The following XRCC4 variants were observed in gnomAD, a reference collection of about 807,000 sequenced individuals.
XRCC4 encodes the protein X-ray repair cross complementing 4.
A neutral mutation model predicts 39.1 loss-of-function variants in XRCC4; 28 were observed. That is an observed-to-expected ratio of 0.72 (90% CI 0.53 to 0.98). The LOEUF (loss-of-function observed/expected upper bound fraction) is 0.98, where lower values mean the gene tolerates loss of function less well. XRCC4 is among the 50% of genes least tolerant of loss of function. The probability of loss-of-function intolerance (pLI) is 0.00; values close to 1 mark genes in which losing one functional copy is unlikely to be tolerated. For missense variants in XRCC4, 350 were observed against 376.4 expected, an observed-to-expected ratio of 0.93 and a Z score of 0.58; for synonymous variants, 123 against 126.4, an observed-to-expected ratio of 0.97 and a Z score of 0.18.
At chr5:83,352,141 T>A (rs940716951) in intron 7 of XRCC4, among the ~76,000 whole-genome samples, 6 of 152,156 alleles carry the variant, frequency 3.9e-5, no homozygotes, top group Admixed American at 3.3e-4. Flanking sequence ...ATAGCTAACA[T>A]GAAATAGACC....
At chr5:83,254,257 TTTGAAAAC>T (rs1753441927) in intron 6 of XRCC4, among the ~76,000 whole-genome samples, 1 of 152,254 alleles carries the variant, frequency 6.6e-6, no homozygotes, top group South Asian at 2.1e-4. Flanking sequence ...TCTGCCTGCA[TTTGAAAAC>T]TTGCAAGCTG....
At chr5:83,215,325 C>T (rs574065826) in intron 6 of XRCC4, among the ~76,000 whole-genome samples, 5 of 151,946 alleles carry the variant, frequency 3.3e-5, no homozygotes, top group Admixed American at 1.3e-4. Context: ...GGTGACAGAG[C>T]GAGACCCTGT....
chr5:83,179,807 G>A (rs1315542171), intron 3 of XRCC4, among the ~76,000 whole-genome samples: 1 of 152,120 alleles, frequency 6.6e-6, no homozygotes, highest in African/African-American at 2.4e-5. Context: ...GGATTATAAG[G>A]TGATGAATTT....
chr5:83,288,296 CT>C (rs1754801639), intron 7 of XRCC4, among the ~76,000 whole-genome samples: 2 of 151,976 alleles, frequency 1.3e-5, no homozygotes, highest in South Asian at 4.1e-4. Context: ...TGATACTGCT[CT>C]TCAGGACAAC....
chr5:83,222,225 A>C (rs1321465890), intron 6 of XRCC4, among the ~76,000 whole-genome samples: 3 of 151,888 alleles, frequency 2.0e-5, no homozygotes, highest in Admixed American at 2.0e-4. Flanking sequence ...TTTGTTCTTT[A>C]TTTTAACTAT....
intron 1 of XRCC4, among the ~76,000 whole-genome samples, chr5:83,104,610 G>A (rs564187717): frequency 8.5e-5 from 13 of 152,160 alleles, no homozygotes; most frequent in African/African-American, 9.6e-5. Flanking sequence ...GAGACACCGC[G>A]CCCAGCTGAG....
chr5:83,281,315 T>G (rs1754528993), intron 7 of XRCC4, among the ~76,000 whole-genome samples: 1 of 152,126 alleles, frequency 6.6e-6, no homozygotes, highest in Admixed American at 6.5e-5. Flanking sequence ...TGTTAATCAG[T>G]GTCAAGTCTT....
downstream of XRCC4, chr5:83,356,804 C>T: frequency 4.5e-6 from 2 of 442,630 alleles, no homozygotes; most frequent in South Asian, 1.6e-5. Flanking sequence ...CTTTTTTGAC[C>T]TTATCATCCT....
chr5:83,170,877 G>A (rs1749692008), intron 3 of XRCC4, among the ~76,000 whole-genome samples: 2 of 152,106 alleles, frequency 1.3e-5, no homozygotes, highest in Admixed American at 6.6e-5. Context: ...AATCTTGAGA[G>A]CCATCTTAGA....
chr5:83,237,454 C>G (rs917225722), intron 6 of XRCC4, among the ~76,000 whole-genome samples: 1 of 151,820 alleles, frequency 6.6e-6, no homozygotes, highest in African/African-American at 2.4e-5. Flanking sequence ...TGAAATAAGC[C>G]AGGCACAGAA....
At chr5:83,153,536 A>G (rs1252191702) in intron 3 of XRCC4, among the ~76,000 whole-genome samples, 1 of 152,236 alleles carries the variant, frequency 6.6e-6, no homozygotes, top group Non-Finnish European at 1.5e-5. Flanking sequence ...AGGATGATAT[A>G]TAGGTGGCAG....
At chr5:83,144,731 A>G (rs1376007580) in intron 3 of XRCC4, among the ~76,000 whole-genome samples, 1 of 151,694 alleles carries the variant, frequency 6.6e-6, no homozygotes, top group African/African-American at 2.4e-5. Flanking sequence ...TGCAGATTGG[A>G]TAATTTATAT....
chr5:83,320,899 C>T (rs1756049328), intron 7 of XRCC4, among the ~76,000 whole-genome samples: 1 of 149,204 alleles, frequency 6.7e-6, no homozygotes, highest in Non-Finnish European at 1.5e-5. Flanking sequence ...GCAACCTCTG[C>T]CTCCCATGTT....
chr5:83,329,463 A>G (rs991745234), intron 7 of XRCC4, among the ~76,000 whole-genome samples: 7 of 152,150 alleles, frequency 4.6e-5, no homozygotes, highest in Middle Eastern at 6.8e-3. Context: ...AGACTTAATC[A>G]GACAATCCCA....
intron 1 of XRCC4, among the ~76,000 whole-genome samples, chr5:83,084,852 G>T (rs768687465): frequency 3.3e-5 from 5 of 151,920 alleles, no homozygotes; most frequent in Non-Finnish European, 1.5e-5. Context: ...CATTATTGTC[G>T]CAGCCTATAA....
At chr5:83,158,174 A>C (rs1332796795) in intron 3 of XRCC4, among the ~76,000 whole-genome samples, 1 of 152,132 alleles carries the variant, frequency 6.6e-6, no homozygotes, top group Admixed American at 6.5e-5. Flanking sequence ...TGGCGTTTCT[A>C]CCAAGTAAAG....
At chr5:83,333,720 G>T (rs1355514187) in intron 7 of XRCC4, among the ~76,000 whole-genome samples, 4 of 151,688 alleles carry the variant, frequency 2.6e-5, no homozygotes, top group African/African-American at 9.7e-5. Context: ...GTTCTATTTT[G>T]GTAATATGCA....
At chr5:83,327,317 C>T (rs958778610) in intron 7 of XRCC4, among the ~76,000 whole-genome samples, 1 of 152,000 alleles carries the variant, frequency 6.6e-6, no homozygotes, top group Non-Finnish European at 1.5e-5. Flanking sequence ...AGTCTGGCTT[C>T]TTTCATGTAG....
intron 6 of XRCC4, among the ~76,000 whole-genome samples, chr5:83,257,285 A>G (rs1394827861): frequency 6.6e-6 from 1 of 152,090 alleles, no homozygotes; most frequent in Non-Finnish European, 1.5e-5. Context: ...GTAGCAATTT[A>G]CCCATCTGAC....
Sources: gnomAD v4.1 joint callset for allele counts (sites outside exome capture counted in the v4.1 genomes callset) on GRCh38, gnomAD v4.1.1 for gene constraint, MANE v1.5 for transcripts, NCBI Gene and HGNC (gene_info 2026-07-23, HGNC 2026-07-21) for gene names.